Variants in HELZ observed in about 807,000 individuals in gnomAD.
HELZ encodes the protein helicase with zinc finger.
Under a neutral mutation model 218.2 loss-of-function variants are expected in HELZ, and 23 were observed. The observed-to-expected ratio is 0.11, with a 90% confidence interval of 0.08 to 0.15. The LOEUF (loss-of-function observed/expected upper bound fraction) is 0.15, where lower values mean the gene tolerates loss of function less well. Ranked by LOEUF, HELZ falls within the 10% of genes least tolerant of loss-of-function variation. HELZ has a pLI of 1.00. For synonymous variants in HELZ, 814 were observed against 829.4 expected, an observed-to-expected ratio of 0.98 and a Z score of 0.32; for missense variants, 1,813 against 2,353.7, an observed-to-expected ratio of 0.77 and a Z score of 4.75.
intron 1 of HELZ, chr17:67,244,041 T>C (rs996633409): frequency 1.3e-5 from 12 of 938,024 alleles, no homozygotes; most frequent in Non-Finnish European, 1.5e-5. Flanking sequence ...GAATAGATTA[T>C]ACAATGCTCT....
At chr17:67,086,556 G>A (rs1242212517) in intron 32 of HELZ, among the ~76,000 whole-genome samples, 2 of 147,366 alleles carry the variant, frequency 1.4e-5, no homozygotes, top group Non-Finnish European at 3.0e-5. Flanking sequence ...ACTCTAGCCT[G>A]GGCGACAAGA....
chr17:67,085,380 C>T (rs2036337429), intron 32 of HELZ, among the ~76,000 whole-genome samples: 1 of 152,136 alleles, frequency 6.6e-6, no homozygotes, highest in Admixed American at 6.5e-5. Context: ...CGAGATTGCA[C>T]TACTGCACTC....
chr17:67,155,297 G>A (rs146031786), intron 17 of HELZ, among the ~76,000 whole-genome samples: 1,652 of 152,252 alleles, frequency 0.011, 20 homozygotes, highest in South Asian at 0.018. Flanking sequence ...AGTTCAGAAA[G>A]GAGGAGCAAG....
At chr17:67,217,720 C>T (rs1237161780) in intron 4 of HELZ, among the ~76,000 whole-genome samples, 1 of 152,136 alleles carries the variant, frequency 6.6e-6, no homozygotes, top group East Asian at 1.9e-4. Flanking sequence ...GCCTGCAATG[C>T]TCTTCCTCCA....
At chr17:67,176,481 A>G (rs1050897712) in intron 13 of HELZ, 5 of 152,296 alleles carry the variant, frequency 3.3e-5, no homozygotes, top group African/African-American at 9.6e-5. Context: ...TGGAATTTCC[A>G]CACCAAAAGA....
intron 7 of HELZ, among the ~76,000 whole-genome samples, chr17:67,200,241 A>G (rs1218582737): frequency 6.6e-6 from 1 of 152,220 alleles, no homozygotes; most frequent in Non-Finnish European, 1.5e-5. Flanking sequence ...ATATGCCTAT[A>G]TGAAGAAGAA....
At chr17:67,160,784 T>TC in intron 16 of HELZ, 113 bp downstream of exon 16, 1 of 741,266 alleles carries the variant, frequency 1.3e-6, no homozygotes, top group Admixed American at 3.6e-5. Flanking sequence ...TCTCTTTTTT[T>TC]CATGTTTAAG....
chr17:67,201,204 A>C lies in HELZ; in HGVS notation c.373-19T>G, dbSNP rs777249028. 26 of 1,556,474 alleles carry C rather than the reference A, an allele frequency of 1.7e-5. No homozygotes were observed. In the Admixed American group the frequency reaches 4.3e-4, roughly 26 times the overall value. The stretch of plus-strand genomic sequence containing the variant: ...TCCCATTCTGAAAGGGTGAATAAAA[A>C]AGAGAAGAACCAATTAGTATATTAA... On this transcript the variant is annotated intron_variant, in intron 6 of 32. Coordinates refer to ENST00000358691, the MANE Select transcript of HELZ (RefSeq NM_014877.4).
At chr17:67,245,851 G>A (rs2143561236), upstream of HELZ, 1 of 152,242 alleles carries the variant, frequency 6.6e-6, no homozygotes, top group East Asian at 1.9e-4. Context: ...CTCCTCCTCC[G>A]GGCGGGTAAC....
At chr17:67,194,747 C>T (rs1273020913) in intron 8 of HELZ, among the ~76,000 whole-genome samples, 2 of 152,068 alleles carry the variant, frequency 1.3e-5, no homozygotes, top group Non-Finnish European at 2.9e-5. Context: ...AACTTATAGC[C>T]ATTTTCTACT....
chr17:67,212,549 T>A (rs930163387), intron 5 of HELZ, among the ~76,000 whole-genome samples: 9 of 152,080 alleles, frequency 5.9e-5, no homozygotes, highest in African/African-American at 1.9e-4. Flanking sequence ...AAAAATTACA[T>A]GTAACAGCAG....
At chr17:67,145,475 T>A (rs2038465764) in intron 21 of HELZ, among the ~76,000 whole-genome samples, 3 of 152,162 alleles carry the variant, frequency 2.0e-5, no homozygotes, top group Admixed American at 2.0e-4. Flanking sequence ...ATGATCTAAT[T>A]GAGAACAATC....
chr17:67,090,206 A>G (rs564246699), intron 31 of HELZ, among the ~76,000 whole-genome samples: 1 of 152,252 alleles, frequency 6.6e-6, no homozygotes, highest in East Asian at 1.9e-4. Flanking sequence ...AGAATGGTGT[A>G]TTACATTAAT....
At chr17:67,142,794 T>C (rs1020041317) in intron 21 of HELZ, among the ~76,000 whole-genome samples, 2 of 152,088 alleles carry the variant, frequency 1.3e-5, no homozygotes, top group Non-Finnish European at 2.9e-5. Flanking sequence ...TCTAGCTCTG[T>C]CACCCAGGCT....
intron 23 of HELZ, among the ~76,000 whole-genome samples, chr17:67,132,029 AT>A (rs150708011): frequency 0.034 from 5,165 of 152,148 alleles, 286 homozygotes; most frequent in African/African-American, 0.12. Flanking sequence ...TATGTTACCC[AT>A]TTTTTTAGTA....
intron 2 of HELZ, among the ~76,000 whole-genome samples, chr17:67,241,905 C>T (rs2041322807): frequency 6.6e-6 from 1 of 152,194 alleles, no homozygotes; most frequent in African/African-American, 2.4e-5. Context: ...TGTTCAGTGG[C>T]CAACCACTAA....
chr17:67,144,442 T>C lies in HELZ; in HGVS notation c.2769+1301A>G, dbSNP rs545065956. Among the ~76,000 whole-genome samples, 16 of 151,224 alleles carry C rather than the reference T, an allele frequency of 1.1e-4. No individual in the cohort carries two copies. In the East Asian group the frequency reaches 3.1e-3, roughly 29 times the overall value. ...TAATATTTAAAGGTCACACGACCTT[T>C]AAAGTGAGCTGTCTTTGTGATCTTT... On this transcript the variant is annotated intron_variant, in intron 21 of 32. Transcript: ENST00000358691.
intron 31 of HELZ, among the ~76,000 whole-genome samples, chr17:67,098,581 A>G (rs1041137169): frequency 3.8e-4 from 58 of 151,740 alleles, no homozygotes; most frequent in Non-Finnish European, 4.6e-4. Flanking sequence ...CTAAAAAAAA[A>G]AAAAAAAGAA....
chr17:67,111,580 C>T (rs957059479), intron 28 of HELZ, among the ~76,000 whole-genome samples: 1 of 152,180 alleles, frequency 6.6e-6, no homozygotes, highest in African/African-American at 2.4e-5. Context: ...CCTGTTGCAA[C>T]AAATGGTTGT....
Sources: gnomAD v4.1 joint callset for allele counts (sites outside exome capture counted in the v4.1 genomes callset) on GRCh38, gnomAD v4.1.1 for gene constraint, MANE v1.5 for transcripts, NCBI Gene and HGNC (gene_info 2026-07-23, HGNC 2026-07-21) for gene names.